The following HAUS2 variants were observed in gnomAD, a reference collection of about 807,000 sequenced individuals.
HAUS2 encodes the protein HAUS augmin like complex subunit 2, also known as HAUS augmin-like complex subunit 2.
Under a neutral mutation model 21.6 loss-of-function variants are expected in HAUS2, and 20 were observed. The observed-to-expected ratio is 0.93, with a 90% CI of 0.65 to 1.35. HAUS2 has a LOEUF of 1.35. Ranked by LOEUF, HAUS2 falls within the 40% of genes most tolerant of loss-of-function variation. The pLI is 0.00. For missense variants in HAUS2, 297 were observed against 280.7 expected, an observed-to-expected ratio of 1.06 and a Z score of -0.42; for synonymous variants, 113 against 95.6, an observed-to-expected ratio of 1.18 and a Z score of -1.06.
In HAUS2 at chr15:42,569,913, T is replaced by C. The variant is rs1318243152; in HGVS notation, c.*3097T>C. 2 of 152,256 alleles carry C rather than the reference T, an allele frequency of 1.3e-5. No individual in the cohort carries two copies. Among genetic ancestry groups the C allele is most frequent in the South Asian group, 2.1e-4 (1 of 4,838 alleles). The allele number at this position is 152,256 out of a possible 1,614,324, so 9.4% of individuals were successfully genotyped here. ...TGTGTGTATGTGTATGTCACAAATA[T>C]TGATATGCCTGGTTGTTTATTTTTG... On this transcript the variant is annotated 3_prime_UTR_variant, in exon 6 of 6. Transcript: ENST00000260372.
intron 1 of HAUS2, among the ~76,000 whole-genome samples, chr15:42,556,614 A>G (rs2057778963): frequency 6.6e-6 from 1 of 152,126 alleles, no homozygotes; most frequent in Non-Finnish European, 1.5e-5. Flanking sequence ...TTGAAAATAT[A>G]AAAACCATGC....
At chr15:42,565,350 C>T (rs1179713221) in intron 5 of HAUS2, among the ~76,000 whole-genome samples, 1 of 150,380 alleles carries the variant, frequency 6.6e-6, no homozygotes, top group Non-Finnish European at 1.5e-5. Context: ...GACTAATAAC[C>T]TTAGACTTTA....
In HAUS2 at chr15:42,569,919, T is replaced by G. The variant is rs976860891; in HGVS notation, c.*3103T>G. ...TATGTGTATGTCACAAATATTGATA[T>G]GCCTGGTTGTTTATTTTTGTTTTCT... On this transcript the variant is annotated 3_prime_UTR_variant, in exon 6 of 6. Coordinates refer to ENST00000260372, the MANE Select transcript of HAUS2 (RefSeq NM_018097.3). 1 of 152,248 alleles carries G rather than the reference T, an allele frequency of 6.6e-6. No individual in the cohort carries two copies. Among genetic ancestry groups the G allele is most frequent in the African/African-American group, 2.4e-5 (1 of 41,464 alleles). 9.4% of individuals were successfully genotyped at this position (152,248 alleles called of 1,614,324 possible). A position where few individuals can be genotyped will look rare whatever the true frequency, so the allele number is the denominator to read the frequency against.
chr15:42,553,717 C>T (rs147243858), intron 1 of HAUS2, among the ~76,000 whole-genome samples: 5 of 152,104 alleles, frequency 3.3e-5, no homozygotes, highest in Admixed American at 1.3e-4. Context: ...TTGTTGAACC[C>T]GACAGTTTAC....
At chr15:42,551,016 GA>G (rs1271839846) in intron 1 of HAUS2, among the ~76,000 whole-genome samples, 1 of 133,536 alleles carries the variant, frequency 7.5e-6, no homozygotes, top group Non-Finnish European at 1.6e-5. Flanking sequence ...TTTTTTCTGA[GA>G]CATAGTCTCC....
chr15:42,568,755 A>G lies in HAUS2; in HGVS notation c.*1939A>G, dbSNP rs1043365242. On this transcript the variant is annotated 3_prime_UTR_variant, in exon 6 of 6. Coordinates refer to ENST00000260372, the MANE Select transcript of HAUS2 (RefSeq NM_018097.3). ...GTTTCCCTGGTAAACAACATTTCTC[A>G]CATGTTGTCACAATTCAGTTGCTGG... 11 of 152,170 alleles carry G rather than the reference A, an allele frequency of 7.2e-5. No individual in the cohort carries two copies. Among genetic ancestry groups the G allele is most frequent in the African/African-American group, 2.4e-4 (10 of 41,442 alleles). 9.4% of individuals were successfully genotyped at this position (152,170 alleles called of 1,614,324 possible).
intron 1 of HAUS2, among the ~76,000 whole-genome samples, chr15:42,549,954 T>C (rs1462338958): frequency 1.3e-5 from 2 of 151,300 alleles, no homozygotes; most frequent in Non-Finnish European, 2.9e-5. Context: ...AAATTGAACA[T>C]GTGAGGAAAT....
intron 3 of HAUS2, among the ~76,000 whole-genome samples, chr15:42,559,915 T>G (rs2057830567): frequency 6.6e-6 from 1 of 152,128 alleles, no homozygotes; most frequent in Non-Finnish European, 1.5e-5. Context: ...ACCCAGCACT[T>G]TGGGAGGCCA....
At chr15:42,549,046 TGGGAGTGGTGA>T in intron 1 of HAUS2, 81 bp downstream of exon 1, 1 of 912,980 alleles carries the variant, frequency 1.1e-6, no homozygotes, top group Non-Finnish European at 1.8e-6. Context: ...CTGCTGGCTG[TGGGAGTGGTGA>T]GGGTCCTGGT....
chr15:42,560,862 C>T (rs1309861171), intron 3 of HAUS2: 5 of 701,728 alleles, frequency 7.1e-6, no homozygotes, highest in Admixed American at 2.0e-5. Flanking sequence ...CAAAACACTG[C>T]GATTACAGGT....
chr15:42,558,352 G>C (rs1595551736), intron 2 of HAUS2, 62 bp downstream of exon 2: 1 of 571,010 alleles, frequency 1.8e-6, no homozygotes, highest in Middle Eastern at 5.4e-4. Context: ...ACGGAGTCTT[G>C]CTCTGTCACG....
intron 1 of HAUS2, among the ~76,000 whole-genome samples, chr15:42,557,195 A>G (rs766353678): frequency 3.2e-4 from 47 of 146,118 alleles, no homozygotes; most frequent in Non-Finnish European, 6.4e-4. Context: ...GGGCGCCTGT[A>G]GTCCCAGCTA....
intron 1 of HAUS2, among the ~76,000 whole-genome samples, chr15:42,549,848 A>T (rs944042446): frequency 3.3e-5 from 5 of 151,144 alleles, no homozygotes; most frequent in Non-Finnish European, 5.9e-5. Context: ...TAATTTTGAG[A>T]AGGAGAGAAA....
Position 42,559,383 on chromosome 15 carries a change from A to G in HAUS2, c.231A>G (p.Ala77=), listed in dbSNP as rs2057825545. ...TCCTGAAACTAGAAAAAGATACAGC[A>G]GATGTTGTTCATCCTTTCTTTTTGG... ...IELLKLEKDT[A]DVVHPFFLAQ... is the part of the protein sequence containing the mutation. Residue 77 remains alanine, a synonymous_variant, in exon 3 of 6, where the codon GCA becomes GCG. Transcript: ENST00000260372. 1 of 1,605,658 alleles carries G rather than the reference A, an allele frequency of 6.2e-7. No individual in the cohort carries two copies. The highest frequency in any genetic ancestry group is 8.5e-7 in the Non-Finnish European group (1 of 1,172,286).
intron 1 of HAUS2, among the ~76,000 whole-genome samples, chr15:42,557,338 TA>T (rs2057790496): frequency 1.7e-5 from 1 of 59,756 alleles, no homozygotes; most frequent in Non-Finnish European, 3.2e-5. Flanking sequence ...TTATATATAA[TA>T]TATATTTTAT....
intron 5 of HAUS2, among the ~76,000 whole-genome samples, chr15:42,565,436 C>CT (rs992804225): frequency 7.3e-5 from 9 of 123,044 alleles, no homozygotes; most frequent in African/African-American, 2.8e-4. Context: ...TGTGTGTTTT[C>CT]TTTTTTTAGT....
intron 1 of HAUS2, 52 bp from the exon 2 acceptor site, chr15:42,558,146 C>A: frequency 2.6e-6 from 2 of 779,750 alleles, no homozygotes; most frequent in Non-Finnish European, 4.5e-6. Context: ...TTCCAATGTA[C>A]CTAGAAACTT....
intron 1 of HAUS2, among the ~76,000 whole-genome samples, chr15:42,556,888 T>C (rs1226099314): frequency 6.7e-6 from 1 of 148,390 alleles, no homozygotes; most frequent in Non-Finnish European, 1.5e-5. Context: ...ATGGTGGCAG[T>C]AATCCCAAAA....
In HAUS2 at chr15:42,566,252, T is replaced by G. The variant is rs1418856769; in HGVS notation, c.499-355T>G. On this transcript the variant is annotated intron_variant, in intron 5 of 5. Transcript: ENST00000260372. Reference sequence around the variant, plus strand: ...TTTATTTTTTGACACATCTTGCACATGTAGTAAATGGTCAATCATTTTTGA... The same window carrying G: ...TTTATTTTTTGACACATCTTGCACAGGTAGTAAATGGTCAATCATTTTTGA... Among the ~76,000 whole-genome samples, 5 of 152,000 alleles carry G rather than the reference T, an allele frequency of 3.3e-5. No individual in the cohort carries two copies. The Middle Eastern group carries it at 0.014, about 416-fold the overall frequency.
Sources: allele counts gnomAD v4.1 joint callset (sites outside exome capture counted in the v4.1 genomes callset), GRCh38; gene constraint gnomAD v4.1.1; transcripts MANE v1.5; gene names NCBI Gene and HGNC (gene_info 2026-07-23, HGNC 2026-07-21).